FCHO2: variants seen among roughly 807,000 people sequenced by gnomAD.
The protein encoded by FCHO2 is F-BAR domain only protein 2.
A neutral mutation model predicts 114.1 loss-of-function variants in FCHO2; 43 were observed. The observed-to-expected ratio is 0.38, with a 90% CI of 0.30 to 0.49. FCHO2 has a LOEUF of 0.49. Among genes scored for constraint, FCHO2 ranks in the 20% least tolerant of loss-of-function variants. FCHO2 has a pLI of 0.97. For missense variants in FCHO2, 807 were observed against 950.4 expected, an observed-to-expected ratio of 0.85 and a Z score of 1.98; for synonymous variants, 293 against 315.2, an observed-to-expected ratio of 0.93 and a Z score of 0.75.
chr5:73,086,850 A>G lies in FCHO2; in HGVS notation c.2246-739A>G, dbSNP rs559106639. Among the ~76,000 whole-genome samples the G allele has an allele frequency of 1.6e-4, 25 of 152,226 alleles. No homozygotes were observed. The East Asian group carries it at 2.5e-3, about 15-fold the overall frequency. ...CTGTTCTCCTGCTAATCTGATATAG[A>G]TGCTATTTCGTTAAATGCATCATGC... On this transcript the variant is annotated intron_variant, in intron 24 of 25. Coordinates refer to ENST00000430046, the MANE Select transcript of FCHO2 (RefSeq NM_138782.3).
intron 12 of FCHO2, 36 bp from the exon 13 acceptor site, chr5:73,052,296 A>G (rs758413511): frequency 1.9e-6 from 3 of 1,550,772 alleles, no homozygotes; most frequent in Non-Finnish European, 2.6e-6. Flanking sequence ...TATACGTCTA[A>G]GGTAATTTAA....
rs539720973 is a variant in FCHO2 at position 72,962,428 on chromosome 5, T to G, written c.34-6070T>G. 9.8e-5 allele frequency among the ~76,000 whole-genome samples: 15 copies of G among 152,290 alleles called. No individual in the cohort carries two copies. The South Asian group carries it at 1.9e-3, about 19-fold the overall frequency. On this transcript the variant is annotated intron_variant, in intron 1 of 25. Transcript: ENST00000430046. ...GCTAATATAAGCCCTTTGAAAGTAG[T>G]TTTTTGAGTCACTGAGGTATCTCCT...
intron 20 of FCHO2, among the ~76,000 whole-genome samples, chr5:73,076,272 G>C (rs1481893328): frequency 1.3e-5 from 2 of 152,118 alleles, no homozygotes; most frequent in Non-Finnish European, 2.9e-5. Context: ...AGTATGCTTT[G>C]AGAGTGTTCA....
intron 19 of FCHO2, among the ~76,000 whole-genome samples, chr5:73,073,783 G>A (rs939294322): frequency 6.6e-6 from 1 of 152,094 alleles, no homozygotes; most frequent in African/African-American, 2.4e-5. Flanking sequence ...TCTGATGGCT[G>A]TTAATGTTGT....
intron 10 of FCHO2, among the ~76,000 whole-genome samples, chr5:73,039,478 G>C (rs778285099): frequency 1.3e-5 from 2 of 152,172 alleles, no homozygotes; most frequent in East Asian, 1.9e-4. Context: ...TGATTAATTT[G>C]ATTCTCTAGA....
rs1407244586 is a variant in FCHO2 at position 73,081,896 on chromosome 5, G to A, written c.2094G>A (p.Val698=). The change falls in exon 23 of 26, where the codon GTG becomes GTA. Residue 698 remains valine, a synonymous_variant. Transcript: ENST00000430046. ...VDYKYNPEAM[V]APSVLSNIQV... is the part of the protein sequence containing the mutation. ...ATAAATACAATCCAGAAGCTATGGT[G>A]GCACCTAGTGTGCTTTCCAACATAC... 1.9e-6 allele frequency: 3 copies of A among 1,612,588 alleles called. No individual in the cohort carries two copies. The South Asian group carries it at 3.3e-5, about 18-fold the overall frequency.
chr5:73,051,395 C>A lies in FCHO2; in HGVS notation c.986C>A (p.Thr329Lys), dbSNP rs1287916951. Residue 329 changes from threonine to lysine, a missense_variant, in exon 12 of 26, where the codon ACA becomes AAA. By Grantham distance (78) the Thr-to-Lys change is moderately conservative. Coordinates refer to ENST00000430046, the MANE Select transcript of FCHO2 (RefSeq NM_138782.3). ...DEEGYSIKPETNQNDTKENHF... is the reference protein window; with the variant it reads ...DEEGYSIKPEKNQNDTKENHF... Reference sequence around the variant, plus strand: ...GAAGGCTACAGTATTAAACCAGAAACAAATCAGAATGATATCCTTTCATCA... The same window carrying A: ...GAAGGCTACAGTATTAAACCAGAAAAAAATCAGAATGATATCCTTTCATCA... 6.5e-7 allele frequency: 1 copy of A among 1,532,200 alleles called. No homozygotes were observed. 94.9% of individuals were successfully genotyped at this position (1,532,200 alleles called of 1,614,324 possible). A position where few individuals can be genotyped will look rare whatever the true frequency, so the allele number is the denominator to read the frequency against.
chr5:73,084,966 C>T (rs369463714), intron 24 of FCHO2, among the ~76,000 whole-genome samples: 1 of 152,168 alleles, frequency 6.6e-6, no homozygotes, highest in Admixed American at 6.5e-5. Context: ...GGGCTTATAA[C>T]CAGTTTAGAA....
At chr5:72,982,779 A>C (rs2112647660) in intron 2 of FCHO2, among the ~76,000 whole-genome samples, 1 of 146,252 alleles carries the variant, frequency 6.8e-6, no homozygotes, top group Middle Eastern at 3.6e-3. Flanking sequence ...TCTGTAATAC[A>C]TTTTGAGTTA....
intron 2 of FCHO2, among the ~76,000 whole-genome samples, chr5:72,974,304 G>A (rs1403157758): frequency 7.3e-6 from 1 of 136,714 alleles, no homozygotes; most frequent in Non-Finnish European, 1.6e-5. Context: ...ACAGTGGGGT[G>A]TTAAAGTCTC....
Position 73,006,409 on chromosome 5 carries a change from G to T in FCHO2, c.496-36G>T, listed in dbSNP as rs184766454. 537 of 1,302,894 alleles carry T rather than the reference G, an allele frequency of 4.1e-4. 10 individuals are homozygous for T. The East Asian group carries it at 0.015, about 36-fold the overall frequency. 80.7% of individuals were successfully genotyped at this position (1,302,894 alleles called of 1,614,324 possible). A position where few individuals can be genotyped will look rare whatever the true frequency, so the allele number is the denominator to read the frequency against. On this transcript the variant is annotated intron_variant, in intron 5 of 25. Transcript: ENST00000430046. ...ACATTAGGAAAGAAAAAAGGTCAAT[G>T]CACAGTTAAAAGTTTTTTATTTTAT...
chr5:72,975,954 G>A (rs1023110874), intron 2 of FCHO2, among the ~76,000 whole-genome samples: 2 of 152,306 alleles, frequency 1.3e-5, no homozygotes, highest in Middle Eastern at 3.4e-3. Context: ...AGGTTTTCGT[G>A]TGAACATAAG....
intron 23 of FCHO2, among the ~76,000 whole-genome samples, chr5:73,082,308 A>G (rs778913947): frequency 1.3e-5 from 2 of 151,682 alleles, no homozygotes; most frequent in Non-Finnish European, 2.9e-5. Flanking sequence ...TATGGATTAA[A>G]TATAGCATCT....
chr5:73,015,729 G>C lies in FCHO2; in HGVS notation c.699+5G>C, dbSNP rs368908338. 6.5e-7 allele frequency: 1 copy of C among 1,536,248 alleles called. No individual in the cohort carries two copies. The highest frequency in any genetic ancestry group is 8.7e-7 in the Non-Finnish European group (1 of 1,144,926). Reference sequence around the variant, plus strand: ...ATTCATTTGCAGATAGGCCAGGTAAGTTTTTTTACTTTATGTTGAACTATT... The same window carrying C: ...ATTCATTTGCAGATAGGCCAGGTAACTTTTTTTACTTTATGTTGAACTATT... On this transcript the variant is annotated splice_donor_5th_base_variant and intron_variant, in intron 7 of 25. Transcript: ENST00000430046.
Position 73,077,436 on chromosome 5 carries a change from G to A in FCHO2, c.1790G>A (p.Arg597Lys). Reference sequence around the variant, plus strand: ...CCAACTCCAGCTGTGTTGTGCTTCAGGGTGAAAAATATCAGCAGACTAGAG... The same window carrying A: ...CCAACTCCAGCTGTGTTGTGCTTCAAGGTGAAAAATATCAGCAGACTAGAG... ...SNPTPAVLCF[R>K]VKNISRLEQI... The change falls in exon 21 of 26, where the codon AGG (arginine) becomes AAG (lysine). Residue 597 changes from arginine (R) to lysine (K), a missense_variant. Coordinates refer to ENST00000430046, the MANE Select transcript of FCHO2 (RefSeq NM_138782.3). The A allele has an allele frequency of 6.2e-7, 1 of 1,601,822 alleles. No individual in the cohort carries two copies. The highest frequency in any genetic ancestry group is 8.5e-7 in the Non-Finnish European group (1 of 1,173,832).
At chr5:73,004,818 ATGT>A (rs1319348874) in intron 5 of FCHO2, among the ~76,000 whole-genome samples, 4 of 152,182 alleles carry the variant, frequency 2.6e-5, no homozygotes, top group Admixed American at 6.6e-5. Flanking sequence ...TTATTACAGT[ATGT>A]TGTTATAATT....
intron 2 of FCHO2, among the ~76,000 whole-genome samples, chr5:72,972,384 T>C (rs926311336): frequency 6.6e-5 from 10 of 152,060 alleles, no homozygotes; most frequent in African/African-American, 2.4e-4. Context: ...CCTTGAGCAG[T>C]GGTTTGTAGT....
chr5:73,020,794 TCAGC>T (rs1474884775), intron 8 of FCHO2: 14 of 952,506 alleles, frequency 1.5e-5, no homozygotes, highest in Non-Finnish European at 2.4e-5. Context: ...CCCATCCTGA[TCAGC>T]CTCTTGAATG....
intron 17 of FCHO2, among the ~76,000 whole-genome samples, chr5:73,061,146 C>G (rs973865037): frequency 5.9e-5 from 9 of 151,950 alleles, no homozygotes; most frequent in Non-Finnish European, 1.5e-5. Context: ...TTGTTGAGTA[C>G]CACACATACA....
Sources: allele counts gnomAD v4.1 joint callset (sites outside exome capture counted in the v4.1 genomes callset), GRCh38; gene constraint gnomAD v4.1.1; transcripts MANE v1.5; gene names NCBI Gene and HGNC (gene_info 2026-07-23, HGNC 2026-07-21).